Variants in RANBP2 observed in about 807,000 individuals in gnomAD.
The protein encoded by RANBP2 is E3 SUMO-protein ligase RanBP2.
A neutral mutation model predicts 303.6 loss-of-function variants in RANBP2; 57 were observed. The ratio of observed to expected loss-of-function variants is 0.19; its 90% CI spans 0.15 to 0.23. RANBP2 has a LOEUF of 0.23. Ranked by LOEUF, RANBP2 falls within the 10% of genes least tolerant of loss-of-function variation. RANBP2 has a pLI of 1.00. For missense variants in RANBP2, 3,138 were observed against 3,780.8 expected, an observed-to-expected ratio of 0.83 and a Z score of 4.46; for synonymous variants, 1,167 against 1,301.5, an observed-to-expected ratio of 0.90 and a Z score of 2.23.
the RANBP2 span, among the ~76,000 whole-genome samples, chr2:109,056,783 T>C: frequency 6.6e-6 from 1 of 152,242 alleles, no homozygotes; most frequent in Non-Finnish European, 1.5e-5. Flanking sequence ...GCACAGTGCC[T>C]GACACACAGT....
At chr2:109,406,761 A>AT in the RANBP2 span, among the ~76,000 whole-genome samples, 1 of 151,766 alleles carries the variant, frequency 6.6e-6, no homozygotes, top group African/African-American at 2.4e-5. Flanking sequence ...CTGGTGTAGA[A>AT]TGTCTCCAGG....
At chr2:109,271,173 G>A in the RANBP2 span, among the ~76,000 whole-genome samples, 1 of 152,184 alleles carries the variant, frequency 6.6e-6, no homozygotes, top group Admixed American at 6.5e-5. Flanking sequence ...GCTTCCTGGA[G>A]TATTTGCTAA....
chr2:109,619,501 C>G, the RANBP2 span, among the ~76,000 whole-genome samples: 4 of 152,094 alleles, frequency 2.6e-5, no homozygotes, highest in African/African-American at 9.7e-5. Context: ...GTATTTTTAG[C>G]AAAATTCAAC....
intron 1 of RANBP2, among the ~76,000 whole-genome samples, chr2:108,727,705 G>C (rs1049173962): frequency 6.6e-6 from 1 of 150,410 alleles, no homozygotes; most frequent in Non-Finnish European, 1.5e-5. Context: ...CCGGATTCAA[G>C]CGATTCTTTG....
At chr2:109,154,365 G>C in the RANBP2 span, among the ~76,000 whole-genome samples, 1 of 152,178 alleles carries the variant, frequency 6.6e-6, no homozygotes, top group African/African-American at 2.4e-5. Flanking sequence ...GGAAGCTTCT[G>C]GGTAGGGAGT....
chr2:109,283,794 C>T, the RANBP2 span, among the ~76,000 whole-genome samples: 1 of 152,194 alleles, frequency 6.6e-6, no homozygotes, highest in African/African-American at 2.4e-5. Context: ...TGCCTGGCTC[C>T]TTGTGTTTGT....
chr2:109,703,706 C>T, the RANBP2 span, among the ~76,000 whole-genome samples: 3 of 152,062 alleles, frequency 2.0e-5, no homozygotes, highest in Non-Finnish European at 4.4e-5. Flanking sequence ...TGGGATTACA[C>T]GCGTGAGCCA....
the RANBP2 span, among the ~76,000 whole-genome samples, chr2:109,505,609 C>CCTG: frequency 1.3e-5 from 2 of 152,284 alleles, no homozygotes; most frequent in African/African-American, 2.4e-5. Flanking sequence ...GGTAAGGAGG[C>CCTG]CTGCTGTGTG....
At chr2:109,682,614 A>G in the RANBP2 span, among the ~76,000 whole-genome samples, 5 of 152,170 alleles carry the variant, frequency 3.3e-5, no homozygotes, top group Non-Finnish European at 2.9e-5. Flanking sequence ...TTGTTCCCCA[A>G]GTACCTCTGG....
chr2:109,360,406 A>G, the RANBP2 span, among the ~76,000 whole-genome samples: 1 of 152,208 alleles, frequency 6.6e-6, no homozygotes, highest in South Asian at 2.1e-4. Flanking sequence ...GGCTCGATGT[A>G]CACAAACTTT....
chr2:109,134,004 A>G, the RANBP2 span, among the ~76,000 whole-genome samples: 8 of 152,158 alleles, frequency 5.3e-5, no homozygotes, highest in Non-Finnish European at 7.3e-5. Context: ...GAGGGTGTCT[A>G]TGGTATCTGG....
chr2:109,323,339 A>G, the RANBP2 span, among the ~76,000 whole-genome samples: 2 of 152,214 alleles, frequency 1.3e-5, no homozygotes, highest in African/African-American at 2.4e-5. Flanking sequence ...ACTGAAGAAG[A>G]TACCTGTATG....
chr2:109,449,588 G>A, the RANBP2 span: 8 of 1,422,476 alleles, frequency 5.6e-6, no homozygotes, highest in Non-Finnish European at 7.5e-6. Flanking sequence ...ATTGAAGCTA[G>A]AATGTGGGCT....
the RANBP2 span, among the ~76,000 whole-genome samples, chr2:109,735,618 T>C: frequency 7.9e-5 from 12 of 152,170 alleles, no homozygotes; most frequent in Admixed American, 7.9e-4. Context: ...TTTTTAAATC[T>C]GGGACTAGTT....
chr2:109,128,615 G>T, the RANBP2 span: 7 of 154,562 alleles, frequency 4.5e-5, no homozygotes, highest in Non-Finnish European at 8.6e-5. Flanking sequence ...CGCGCTTCTC[G>T]GAAAGGAGTC....
the RANBP2 span, among the ~76,000 whole-genome samples, chr2:109,670,775 T>C: frequency 6.6e-6 from 1 of 151,756 alleles, no homozygotes; most frequent in Non-Finnish European, 1.5e-5. Flanking sequence ...TCTCTGGGCA[T>C]GGAGTTGGGG....
chr2:108,868,675 TGAA>T, the RANBP2 span, among the ~76,000 whole-genome samples: 1 of 152,206 alleles, frequency 6.6e-6, no homozygotes, highest in Non-Finnish European at 1.5e-5. Flanking sequence ...GCTTTTCTTC[TGAA>T]GAAGAACAGA....
At chr2:109,353,154 G>GC in the RANBP2 span, among the ~76,000 whole-genome samples, 2 of 152,170 alleles carry the variant, frequency 1.3e-5, no homozygotes, top group Admixed American at 1.3e-4. Flanking sequence ...TGCCCACAAG[G>GC]CCCCACCTCA....
chr2:109,048,842 A>G, the RANBP2 span, among the ~76,000 whole-genome samples: 2 of 152,204 alleles, frequency 1.3e-5, no homozygotes, highest in Non-Finnish European at 2.9e-5. Context: ...ATACTTCTGT[A>G]TCTAGACCAT....
Sources: gnomAD v4.1 joint callset for allele counts (sites outside exome capture counted in the v4.1 genomes callset) on GRCh38, gnomAD v4.1.1 for gene constraint, MANE v1.5 for transcripts, NCBI Gene and HGNC (gene_info 2026-07-23, HGNC 2026-07-21) for gene names.